TTC39B: variants seen among roughly 807,000 people sequenced by gnomAD.
TTC39B encodes the protein tetratricopeptide repeat protein 39B.
Under a neutral mutation model 96.6 loss-of-function variants are expected in TTC39B, and 92 were observed. That is an observed-to-expected ratio of 0.95 (90% CI 0.80 to 1.13). The LOEUF is 1.13. Ranked by LOEUF, TTC39B falls within the 50% of genes most tolerant of loss-of-function variation. The pLI, the probability that TTC39B is intolerant of heterozygous loss-of-function variation, is 0.00. For missense variants in TTC39B, 955 were observed against 809.3 expected (o/e 1.18, Z -2.18); for synonymous variants, 367 against 299.4 (o/e 1.23, Z -2.33).
chr9:15,189,081 C>T (rs1818700490), intron 13 of TTC39B, among the ~76,000 whole-genome samples: 1 of 152,010 alleles, frequency 6.6e-6, no homozygotes, highest in Non-Finnish European at 1.5e-5. Context: ...CATTTTGATC[C>T]CATTTGTGTG....
chr9:15,288,449 C>A (rs999097476), intron 1 of TTC39B, among the ~76,000 whole-genome samples: 2 of 152,142 alleles, frequency 1.3e-5, no homozygotes, highest in Non-Finnish European at 1.5e-5. Context: ...ATCTGAATGT[C>A]GTCGAGAGGA....
chr9:15,270,186 A>T (rs921939943), intron 1 of TTC39B, among the ~76,000 whole-genome samples: 1 of 152,002 alleles, frequency 6.6e-6, no homozygotes, highest in Non-Finnish European at 1.5e-5. Context: ...AAAAAAAAAA[A>T]GTTGTAAACA....
intron 2 of TTC39B, among the ~76,000 whole-genome samples, chr9:15,257,747 G>A (rs573228154): frequency 4.0e-5 from 6 of 148,488 alleles, no homozygotes; most frequent in East Asian, 4.3e-4. Flanking sequence ...CGTGCCTGAC[G>A]CAAATTATCT....
chr9:15,210,065 G>GTGATCTT, intron 6 of TTC39B, 23 bp downstream of exon 6: 1 of 1,534,974 alleles, frequency 6.5e-7, no homozygotes, highest in African/African-American at 1.4e-5. Context: ...AAGGAAAAAA[G>GTGATCTT]TGATCTTTTA....
chr9:15,200,737 A>T (rs1819487063), intron 7 of TTC39B, among the ~76,000 whole-genome samples: 1 of 152,252 alleles, frequency 6.6e-6, no homozygotes, highest in Non-Finnish European at 1.5e-5. Context: ...GTGGTGGCTC[A>T]CGCCTATAAT....
chr9:15,287,899 T>C (rs1331083335), intron 1 of TTC39B, among the ~76,000 whole-genome samples: 2 of 131,268 alleles, frequency 1.5e-5, no homozygotes, highest in African/African-American at 2.9e-5. Context: ...TGAGCCGATA[T>C]GGCGCCACTG....
At chr9:15,215,969 A>G (rs1027054875) in intron 3 of TTC39B, among the ~76,000 whole-genome samples, 1 of 152,246 alleles carries the variant, frequency 6.6e-6, no homozygotes, top group Non-Finnish European at 1.5e-5. Flanking sequence ...TCATTCTTTA[A>G]AACATGAAAG....
chr9:15,176,975 A>G (rs988793007), intron 18 of TTC39B, among the ~76,000 whole-genome samples: 1 of 152,182 alleles, frequency 6.6e-6, no homozygotes, highest in Admixed American at 6.5e-5. Context: ...ACTCAATTAT[A>G]TACAGAAGAA....
At chr9:15,264,634 G>A (rs1396054574) in intron 2 of TTC39B, among the ~76,000 whole-genome samples, 7 of 138,936 alleles carry the variant, frequency 5.0e-5, no homozygotes, top group African/African-American at 1.5e-4. Flanking sequence ...TAGCCTGGGC[G>A]ACAGAGCGAG....
intron 8 of TTC39B, among the ~76,000 whole-genome samples, chr9:15,194,246 G>C (rs1270161370): frequency 6.6e-6 from 1 of 151,992 alleles, no homozygotes; most frequent in Non-Finnish European, 1.5e-5. Context: ...AATTATAAAA[G>C]TACTTTCTTA....
At chr9:15,178,863 C>A (rs1209611407) in intron 17 of TTC39B, among the ~76,000 whole-genome samples, 1 of 152,100 alleles carries the variant, frequency 6.6e-6, no homozygotes, top group African/African-American at 2.4e-5. Context: ...ATGGCCTTAT[C>A]CCCATTAAAA....
chr9:15,268,923 C>G (rs1440907229), intron 1 of TTC39B, among the ~76,000 whole-genome samples: 1 of 152,180 alleles, frequency 6.6e-6, no homozygotes, highest in Non-Finnish European at 1.5e-5. Flanking sequence ...CAAACTCATT[C>G]TCCCTATCTA....
intron 2 of TTC39B, among the ~76,000 whole-genome samples, chr9:15,254,779 T>C (rs1305044007): frequency 6.6e-6 from 1 of 151,662 alleles, no homozygotes; most frequent in East Asian, 1.9e-4. Flanking sequence ...AATTTTTAAA[T>C]GGCAAAGAAT....
chr9:15,291,305 G>C (rs150309119), intron 1 of TTC39B, among the ~76,000 whole-genome samples: 85 of 152,272 alleles, frequency 5.6e-4, no homozygotes, highest in African/African-American at 2.0e-3. Flanking sequence ...TGCTATTCTC[G>C]TGATGGTGAA....
chr9:15,234,042 G>T (rs1318320904), intron 2 of TTC39B, among the ~76,000 whole-genome samples: 1 of 128,416 alleles, frequency 7.8e-6, no homozygotes, highest in South Asian at 2.3e-4. Flanking sequence ...CCTCTGACCC[G>T]CCGCCCCGTC....
At chr9:15,267,888 A>G (rs765154992) in intron 2 of TTC39B, 26 bp downstream of exon 2, 13 of 1,593,404 alleles carry the variant, frequency 8.2e-6, no homozygotes, top group African/African-American at 1.3e-5. Context: ...TCCTTACTAC[A>G]TACTTTTTAT....
intron 3 of TTC39B, among the ~76,000 whole-genome samples, chr9:15,223,293 G>T (rs748400163): frequency 6.6e-6 from 1 of 152,214 alleles, no homozygotes; most frequent in Non-Finnish European, 1.5e-5. Flanking sequence ...AAGTGAAAGG[G>T]ATTACAAGTA....
intron 2 of TTC39B, among the ~76,000 whole-genome samples, chr9:15,253,645 T>C (rs1822645962): frequency 6.6e-6 from 1 of 152,242 alleles, no homozygotes; most frequent in Admixed American, 6.5e-5. Context: ...ATTGTCTGCT[T>C]ATGTCCCTTT....
chr9:15,219,944 C>A (rs1346517196), intron 3 of TTC39B, among the ~76,000 whole-genome samples: 3 of 152,182 alleles, frequency 2.0e-5, no homozygotes, highest in Admixed American at 6.5e-5. Flanking sequence ...TTTTTCCACG[C>A]ATCTAAGCTA....
Sources: allele counts gnomAD v4.1 joint callset (sites outside exome capture counted in the v4.1 genomes callset), GRCh38; gene constraint gnomAD v4.1.1; transcripts MANE v1.5; gene names NCBI Gene and HGNC (gene_info 2026-07-23, HGNC 2026-07-21).